Variants in DNAH8 observed in about 807,000 individuals in gnomAD.
DNAH8 encodes the protein axonemal beta dynein heavy chain 8.
DNAH8 carries 382 observed loss-of-function variants against 562.1 expected under a neutral mutation model. That is an observed-to-expected ratio of 0.68 (90% CI 0.63 to 0.74). DNAH8 has a LOEUF of 0.74. Among genes scored for constraint, DNAH8 ranks in the 30% least tolerant of loss-of-function variants. DNAH8 has a pLI of 0.00. For synonymous variants in DNAH8, 1,881 were observed against 1,919.4 expected, an observed-to-expected ratio of 0.98 and a Z score of 0.52; for missense variants, 5,203 against 5,620.4, an observed-to-expected ratio of 0.93 and a Z score of 2.37.
intron 62 of DNAH8, among the ~76,000 whole-genome samples, chr6:38,903,607 TCTTC>T (rs1420702104): frequency 2.9e-5 from 4 of 139,174 alleles, no homozygotes; most frequent in Non-Finnish European, 3.0e-5. Context: ...TTTCTTTCTT[TCTTC>T]CTTTTTTTTT....
intron 21 of DNAH8, among the ~76,000 whole-genome samples, chr6:38,798,697 T>A (rs186967932): frequency 7.2e-5 from 11 of 152,342 alleles, no homozygotes; most frequent in Admixed American, 6.5e-4. Flanking sequence ...AGTGGCCCAA[T>A]TCAGCAAGGA....
intron 57 of DNAH8, among the ~76,000 whole-genome samples, chr6:38,888,449 A>G (rs115244228): frequency 3.2e-4 from 48 of 152,278 alleles, no homozygotes; most frequent in African/African-American, 1.0e-3. Flanking sequence ...AGAGAGTGAA[A>G]AGCCTCAAAG....
chr6:38,862,196 T>G, intron 43 of DNAH8, 84 bp from the exon 44 acceptor site: 3 of 1,260,106 alleles, frequency 2.4e-6, no homozygotes, highest in Middle Eastern at 1.9e-4. Context: ...ATAGGCCCAT[T>G]CCAATCACAT....
intron 87 of DNAH8, among the ~76,000 whole-genome samples, chr6:38,986,794 T>A (rs1456226580): frequency 6.6e-6 from 1 of 152,202 alleles, no homozygotes; most frequent in African/African-American, 2.4e-5. Context: ...AGAATGGGGC[T>A]ATTTACAGAC....
At chr6:38,760,182 G>T (rs759591977) in intron 10 of DNAH8, among the ~76,000 whole-genome samples, 10 of 152,130 alleles carry the variant, frequency 6.6e-5, no homozygotes, top group Non-Finnish European at 1.3e-4. Context: ...CTTTCAGAGA[G>T]GTTTCAGGGT....
intron 21 of DNAH8, among the ~76,000 whole-genome samples, chr6:38,798,279 G>T (rs983574847): frequency 6.6e-6 from 1 of 152,156 alleles, no homozygotes; most frequent in Non-Finnish European, 1.5e-5. Context: ...ACTTCACAAG[G>T]TTAATTTTGT....
chr6:38,789,502 G>A (rs1464872556), intron 18 of DNAH8, among the ~76,000 whole-genome samples: 3 of 152,114 alleles, frequency 2.0e-5, no homozygotes, highest in Admixed American at 1.3e-4. Context: ...GAGGAAATGT[G>A]TAATGACAGA....
chr6:39,000,959 C>T (rs972301285), intron 88 of DNAH8, among the ~76,000 whole-genome samples: 1 of 152,054 alleles, frequency 6.6e-6, no homozygotes, highest in Non-Finnish European at 1.5e-5. Context: ...AGAAGAGGAA[C>T]ATAATGAGCG....
chr6:38,999,003 G>A (rs1336965867), intron 88 of DNAH8, among the ~76,000 whole-genome samples: 1 of 152,184 alleles, frequency 6.6e-6, no homozygotes, highest in African/African-American at 2.4e-5. Flanking sequence ...AAAAAGAAAT[G>A]TGAGTTGTTC....
In DNAH8 at chr6:38,981,997, C is replaced by A. The variant is rs1037749400; in HGVS notation, c.12835-349C>A. On this transcript the variant is annotated intron_variant, in intron 85 of 92. Coordinates refer to ENST00000327475, the MANE Select transcript of DNAH8 (RefSeq NM_001206927.2). ...TGTGTCTAGATACACAAATACCTAC[C>A]ATTGTGTTACAGTTGCCTGCAGTAT... Among the ~76,000 whole-genome samples, 4 of 152,146 alleles carry A rather than the reference C, an allele frequency of 2.6e-5. No individual in the cohort carries two copies. In the South Asian group the frequency reaches 8.3e-4, roughly 31 times the overall value.
chr6:38,799,931 A>G (rs566762986), intron 21 of DNAH8, among the ~76,000 whole-genome samples: 1 of 152,194 alleles, frequency 6.6e-6, no homozygotes, highest in Non-Finnish European at 1.5e-5. Flanking sequence ...TAGCCTATAT[A>G]TCAGAACTTA....
chr6:38,871,695 T>C (rs1777476331), intron 49 of DNAH8, among the ~76,000 whole-genome samples: 1 of 152,188 alleles, frequency 6.6e-6, no homozygotes, highest in African/African-American at 2.4e-5. Context: ...CTAGCATGTC[T>C]CCTCGAATCT....
intron 82 of DNAH8, among the ~76,000 whole-genome samples, chr6:38,970,785 G>A (rs1053037910): frequency 6.6e-6 from 1 of 152,120 alleles, no homozygotes; most frequent in African/African-American, 2.4e-5. Context: ...GAAAATTTGG[G>A]TCCACAAGGG....
intron 32 of DNAH8, among the ~76,000 whole-genome samples, chr6:38,836,872 A>T (rs756055542): frequency 1.3e-5 from 2 of 151,954 alleles, no homozygotes; most frequent in Non-Finnish European, 2.9e-5. Context: ...GGGTGTTTTT[A>T]TGTTACTTGC....
intron 58 of DNAH8, among the ~76,000 whole-genome samples, chr6:38,891,896 T>A (rs1271823257): frequency 6.6e-6 from 1 of 152,202 alleles, no homozygotes; most frequent in Non-Finnish European, 1.5e-5. Flanking sequence ...CTGCACAAGC[T>A]TTCATTCCCA....
chr6:39,008,707 TGTAGCTTGCTTTGA>T, intron 88 of DNAH8, 93 bp from the exon 89 acceptor site: 7 of 604,606 alleles, frequency 1.2e-5, no homozygotes, highest in South Asian at 7.9e-5. Context: ...TTTTTTTTTT[TGTAGCTTGCTTTGA>T]TTTAAGTGAT....
In DNAH8 at chr6:39,012,349, A is replaced by G. The variant is rs1463821734; in HGVS notation, c.13506A>G (p.Gly4502=). 1 of 1,612,782 alleles carries G rather than the reference A, an allele frequency of 6.2e-7. No homozygotes were observed. Among genetic ancestry groups the G allele is most frequent in the South Asian group, 1.1e-5 (1 of 90,962 alleles). ...GTGATCTAAAATTGGCCATTGAAGG[A>G]ACAATCATTATGAGTGAGGTGAGCT... The part of the protein sequence containing the change: ...SLSDLKLAIE[G]TIIMSENLRD... The change falls in exon 90 of 93, where the codon GGA becomes GGG. Residue 4502 remains glycine, a synonymous_variant. Coordinates refer to ENST00000327475, the MANE Select transcript of DNAH8 (RefSeq NM_001206927.2).
intron 15 of DNAH8, among the ~76,000 whole-genome samples, chr6:38,780,672 A>G (rs1301932662): frequency 6.6e-6 from 1 of 152,184 alleles, no homozygotes; most frequent in Non-Finnish European, 1.5e-5. Context: ...AGGGAACAGT[A>G]GACACTGGGG....
chr6:38,803,138 T>G, intron 21 of DNAH8, 41 bp from the exon 22 acceptor site: 2 of 1,452,958 alleles, frequency 1.4e-6, no homozygotes, highest in Non-Finnish European at 1.9e-6. Flanking sequence ...AGTGTTACTT[T>G]TAAGTATCTG....
Sources: gnomAD v4.1 joint callset for allele counts (sites outside exome capture counted in the v4.1 genomes callset) on GRCh38, gnomAD v4.1.1 for gene constraint, MANE v1.5 for transcripts, NCBI Gene and HGNC (gene_info 2026-07-23, HGNC 2026-07-21) for gene names.